Variants in UBE2D2 observed in about 807,000 individuals in gnomAD.
UBE2D2 encodes the protein ubiquitin-conjugating enzyme E2 D2.
A neutral mutation model predicts 24.2 loss-of-function variants in UBE2D2; 2 were observed. That is an observed-to-expected ratio of 0.08 (90% CI 0.03 to 0.26). The LOEUF is 0.26. Ranked by LOEUF, UBE2D2 falls within the 10% of genes least tolerant of loss-of-function variation. UBE2D2 has a pLI of 1.00. For missense variants in UBE2D2, 44 were observed against 177.6 expected (o/e 0.25, Z 4.28); for synonymous variants, 58 against 56.5 (o/e 1.03, Z -0.12).
chr5:139,600,044 C>T lies in UBE2D2; in HGVS notation c.25-328C>T, dbSNP rs542094044. Among the ~76,000 whole-genome samples, 7 of 152,096 alleles carry T rather than the reference C, an allele frequency of 4.6e-5. No homozygotes were observed. The East Asian group carries it at 1.2e-3, about 25-fold the overall frequency. ...AACTCCTGACCTCAAGTGATCTGCCCGCCTCAGCCTCCCAAAGTGCTGGGA... is the reference window on the plus strand; with the variant it reads ...AACTCCTGACCTCAAGTGATCTGCCTGCCTCAGCCTCCCAAAGTGCTGGGA... On this transcript the variant is annotated intron_variant, in intron 1 of 6. Coordinates refer to ENST00000398733, the MANE Select transcript of UBE2D2 (RefSeq NM_003339.3).
intron 1 of UBE2D2, among the ~76,000 whole-genome samples, chr5:139,571,928 A>G (rs769837701): frequency 2.0e-5 from 3 of 150,912 alleles, no homozygotes; most frequent in African/African-American, 4.9e-5. Context: ...GTTTTCCCCT[A>G]TAAAAAAAAA....
At chr5:139,575,183 T>C (rs1314621142) in intron 1 of UBE2D2, among the ~76,000 whole-genome samples, 2 of 152,208 alleles carry the variant, frequency 1.3e-5, no homozygotes, top group African/African-American at 2.4e-5. Flanking sequence ...GTATTTCAGC[T>C]GGTGAAGAGC....
chr5:139,568,081 C>G (rs955424705), intron 1 of UBE2D2, among the ~76,000 whole-genome samples: 1 of 152,112 alleles, frequency 6.6e-6, no homozygotes, highest in Non-Finnish European at 1.5e-5. Context: ...GTGGCTTATG[C>G]CTGTAATCCC....
intron 6 of UBE2D2, among the ~76,000 whole-genome samples, chr5:139,626,419 G>A (rs1467325719): frequency 6.6e-6 from 1 of 152,200 alleles, no homozygotes; most frequent in Non-Finnish European, 1.5e-5. Flanking sequence ...ACTATGTAAT[G>A]TAGAATCATA....
intron 1 of UBE2D2, among the ~76,000 whole-genome samples, chr5:139,528,996 C>T (rs193160110): frequency 3.3e-5 from 5 of 152,284 alleles, no homozygotes; most frequent in East Asian, 1.9e-4. Flanking sequence ...AAACTCATTG[C>T]GGGACTCATT....
chr5:139,533,123 T>A (rs896130189), intron 1 of UBE2D2, among the ~76,000 whole-genome samples: 122 of 146,506 alleles, frequency 8.3e-4, no homozygotes, highest in African/African-American at 2.8e-3. Context: ...AAAAAAAAAA[T>A]ATATGGACCT....
chr5:139,594,077 C>T (rs1753909276), intron 1 of UBE2D2, among the ~76,000 whole-genome samples: 2 of 152,188 alleles, frequency 1.3e-5, no homozygotes, highest in African/African-American at 4.8e-5. Flanking sequence ...CTCAGTTTCC[C>T]ATCTTGTTCC....
intron 1 of UBE2D2, among the ~76,000 whole-genome samples, chr5:139,579,619 A>C (rs1391432707): frequency 6.6e-6 from 1 of 152,114 alleles, no homozygotes; most frequent in East Asian, 1.9e-4. Context: ...AAAGTCTTAC[A>C]ATCAGTGACA....
intron 1 of UBE2D2, among the ~76,000 whole-genome samples, chr5:139,569,363 C>G (rs1159600386): frequency 6.6e-6 from 1 of 152,072 alleles, no homozygotes; most frequent in Non-Finnish European, 1.5e-5. Flanking sequence ...TCTCTGAAGT[C>G]TCCCAGTGTA....
chr5:139,546,092 G>A (rs923013258), intron 1 of UBE2D2, among the ~76,000 whole-genome samples: 2 of 151,816 alleles, frequency 1.3e-5, no homozygotes, highest in African/African-American at 2.4e-5. Context: ...GACCCAGGCT[G>A]GAGTGCAATG....
chr5:139,551,558 G>GT, intron 1 of UBE2D2, among the ~76,000 whole-genome samples: 1 of 152,118 alleles, frequency 6.6e-6, no homozygotes, highest in Non-Finnish European at 1.5e-5. Context: ...AATATAAAGT[G>GT]TTTTTTCATG....
At chr5:139,534,089 A>T (rs1752632714) in intron 1 of UBE2D2, among the ~76,000 whole-genome samples, 1 of 146,206 alleles carries the variant, frequency 6.8e-6, no homozygotes. Context: ...CAAAAAAAAC[A>T]TTTTTTTTTT....
chr5:139,542,061 C>T (rs938519128), intron 1 of UBE2D2, among the ~76,000 whole-genome samples: 7 of 151,964 alleles, frequency 4.6e-5, no homozygotes, highest in Non-Finnish European at 1.0e-4. Context: ...GTGGCGTGCA[C>T]CTGTAATCCC....
At chr5:139,614,554 T>G in intron 2 of UBE2D2, 32 bp from the exon 3 acceptor site, 1 of 1,611,774 alleles carries the variant, frequency 6.2e-7, no homozygotes, top group Non-Finnish European at 8.5e-7. Flanking sequence ...TAGATATTGT[T>G]ACATGGTGAC....
At chr5:139,564,216 C>T (rs184143626) in intron 1 of UBE2D2, among the ~76,000 whole-genome samples, 6 of 152,026 alleles carry the variant, frequency 3.9e-5, no homozygotes, top group African/African-American at 1.2e-4. Context: ...TGCAATGGCA[C>T]GATCTCAGCT....
intron 1 of UBE2D2, among the ~76,000 whole-genome samples, chr5:139,529,542 C>A (rs1290888310): frequency 6.6e-6 from 1 of 152,128 alleles, no homozygotes; most frequent in Non-Finnish European, 1.5e-5. Context: ...AAAAAAAGAT[C>A]CTGTTTGGCT....
chr5:139,575,844 C>G (rs1753457921), intron 1 of UBE2D2, among the ~76,000 whole-genome samples: 1 of 152,138 alleles, frequency 6.6e-6, no homozygotes, highest in African/African-American at 2.4e-5. Context: ...TCAGCAAGAC[C>G]CCTTCTCTAC....
chr5:139,625,055 C>G (rs563088547), intron 6 of UBE2D2, among the ~76,000 whole-genome samples: 1 of 149,484 alleles, frequency 6.7e-6, no homozygotes, highest in Admixed American at 6.7e-5. Flanking sequence ...CACCCTCTAA[C>G]CCCCCACTTT....
intron 2 of UBE2D2, among the ~76,000 whole-genome samples, chr5:139,605,771 C>T (rs769178580): frequency 1.1e-4 from 16 of 150,826 alleles, no homozygotes; most frequent in Middle Eastern, 3.4e-3. Context: ...CAGGGGCTCA[C>T]TCTGTTGCCC....
Sources: allele counts gnomAD v4.1 joint callset (sites outside exome capture counted in the v4.1 genomes callset), GRCh38; gene constraint gnomAD v4.1.1; transcripts MANE v1.5; gene names NCBI Gene and HGNC (gene_info 2026-07-23, HGNC 2026-07-21).